The following BRD1 variants were observed in gnomAD, a reference collection of about 807,000 sequenced individuals.
BRD1 encodes the protein bromodomain-containing protein 1.
Under a neutral mutation model 107.7 loss-of-function variants are expected in BRD1, and 24 were observed. The observed-to-expected ratio is 0.22, with a 90% confidence interval of 0.16 to 0.31. The LOEUF is 0.31. Among genes scored for constraint, BRD1 ranks in the 10% least tolerant of loss-of-function variants. The pLI, the probability that BRD1 is intolerant of heterozygous loss-of-function variation, is 1.00. For synonymous variants in BRD1, 744 were observed against 686.1 expected (o/e 1.08, Z -1.32); for missense variants, 1,279 against 1,638.6 (o/e 0.78, Z 3.79).
chr22:49,801,875 G>A (rs1368935174), intron 3 of BRD1, among the ~76,000 whole-genome samples: 1 of 152,202 alleles, frequency 6.6e-6, no homozygotes, highest in Admixed American at 6.5e-5. Flanking sequence ...GGTCCCCGTG[G>A]CCCCTGCCCA....
chr22:49,787,301 C>G (rs1469000446), intron 8 of BRD1, 89 bp downstream of exon 8: 5 of 500,720 alleles, frequency 1.0e-5, no homozygotes, highest in Middle Eastern at 1.1e-3. Flanking sequence ...AGCTGGACAC[C>G]CCCCCCCCCC....
intron 8 of BRD1, among the ~76,000 whole-genome samples, chr22:49,784,810 G>A (rs61645701): frequency 0.05 from 7,635 of 152,240 alleles, 561 homozygotes; most frequent in African/African-American, 0.16. Flanking sequence ...TTCAGAGCAC[G>A]CCCAGCCCTT....
rs897700543 is a variant in BRD1 at position 49,777,877 on chromosome 22, C to T, written c.2858-64G>A. 5.9e-6 allele frequency: 9 copies of T among 1,520,874 alleles called. No homozygotes were observed. In the African/African-American group the frequency reaches 1.2e-4, roughly 21 times the overall value. The allele number at this position is 1,520,874 out of a possible 1,614,324, so 94.2% of individuals were successfully genotyped here. On this transcript the variant is annotated intron_variant, in intron 8 of 12. Transcript: ENST00000404760. ...CAGGGCACACTGAAGCATGACTCAA[C>T]GACGTTACACTTGGAACACATCTTA... is the stretch of plus-strand genomic sequence containing the variant.
At chr22:49,776,311 C>G in intron 10 of BRD1, 152 bp from the exon 11 acceptor site, 1 of 681,878 alleles carries the variant, frequency 1.5e-6, no homozygotes, top group South Asian at 1.7e-5. Flanking sequence ...CACTGCCTCC[C>G]CTGTGGGGTC....
intron 1 of BRD1, 147 bp downstream of exon 1, chr22:49,827,350 G>A (rs1362472326): frequency 8.6e-5 from 13 of 151,480 alleles, no homozygotes; most frequent in Non-Finnish European, 1.6e-4. Flanking sequence ...CCGGCCCGCA[G>A]ACAATGCGGA....
Position 49,823,914 on chromosome 22 carries a change from C to T in BRD1, c.404G>A (p.Arg135Lys). The T allele has an allele frequency of 6.2e-7, 1 of 1,614,232 alleles. No individual in the cohort carries two copies. Among genetic ancestry groups the T allele is most frequent in the Non-Finnish European group, 8.5e-7 (1 of 1,180,046 alleles). ...VEYSPPSAPR[R>K]PPVYYKFIEK... ...GATGAACTTGTAGTACACAGGAGGC[C>T]TCCTGGGGGCGGACGGAGGGCTGTA... The change falls in exon 2 of 13, where the codon AGG becomes AAG. Residue 135 changes from arginine (R) to lysine (K), a missense_variant. Physicochemically the swap from Arg to Lys is conservative, Grantham distance 26. This residue lies in a region of BRD1 where 223 missense variants were observed against 263.5 expected (regional missense o/e 0.85). Coordinates refer to ENST00000404760, the MANE Select transcript of BRD1 (RefSeq NM_001304808.3).
chr22:49,774,199 A>G lies in BRD1; in HGVS notation c.*34T>C. On this transcript the variant is annotated 3_prime_UTR_variant, in exon 13 of 13. Coordinates refer to ENST00000404760, the MANE Select transcript of BRD1 (RefSeq NM_001304808.3). ...ATACAAACATGTACAGCTTATCAAC[A>G]CTATGGACAAGACCCGCGCTGGCGG... 6.3e-7 allele frequency: 1 copy of G among 1,596,752 alleles called. No homozygotes were observed. Among genetic ancestry groups the G allele is most frequent in the Non-Finnish European group, 8.5e-7 (1 of 1,170,542 alleles).
intron 2 of BRD1, among the ~76,000 whole-genome samples, chr22:49,812,052 CA>C (rs1249849544): frequency 6.6e-6 from 1 of 150,842 alleles, no homozygotes. Context: ...ATTTGAGAGG[CA>C]GAAATAAAAG....
chr22:49,801,811 C>T (rs1188503306), intron 3 of BRD1, among the ~76,000 whole-genome samples: 1 of 152,218 alleles, frequency 6.6e-6, no homozygotes, highest in East Asian at 1.9e-4. Context: ...CTTTGCAACC[C>T]TCCCCCTTCC....
intron 6 of BRD1, among the ~76,000 whole-genome samples, chr22:49,796,375 G>C (rs532825564): frequency 1.3e-4 from 18 of 141,222 alleles, no homozygotes; most frequent in Middle Eastern, 4.6e-3. Context: ...TTTTTTTTTG[G>C]AGATAGGGTC....
chr22:49,820,238 T>C (rs1439338355), intron 2 of BRD1, among the ~76,000 whole-genome samples: 5 of 152,224 alleles, frequency 3.3e-5, no homozygotes, highest in Non-Finnish European at 5.9e-5. Context: ...TTCTGTTCTG[T>C]CCACAGGGAA....
chr22:49,821,706 G>A (rs892211418), intron 2 of BRD1, among the ~76,000 whole-genome samples: 1 of 152,068 alleles, frequency 6.6e-6, no homozygotes, highest in Admixed American at 6.6e-5. Context: ...ACCGCCCGAT[G>A]CAGCTCAGCC....
rs532132092 is a variant in BRD1, at chr22:49,803,972, C to T, written c.1524+232G>A. Among the ~76,000 whole-genome samples, 4 of 152,340 alleles carry T rather than the reference C, an allele frequency of 2.6e-5. No homozygotes were observed. Among genetic ancestry groups the T allele is most frequent in the South Asian group, 2.1e-4 (1 of 4,828 alleles). ...CAGGGCGGGGGAGCGCAACTCAAAA[C>T]GGAAGAAACACCCAGTGACAGGCAT... On this transcript the variant is annotated intron_variant, in intron 3 of 12. Coordinates refer to ENST00000404760, the MANE Select transcript of BRD1 (RefSeq NM_001304808.3). This position sits in a 1 kb window ranked among gnomAD's most constrained non-coding sequence, Gnocchi z 4.4.
Position 49,774,324 on chromosome 22 carries a change from C to G in BRD1, c.3479G>C (p.Arg1160Pro), listed in dbSNP as rs1229358877. The G allele has an allele frequency of 6.2e-7, 1 of 1,614,232 alleles. No individual in the cohort carries two copies. Among genetic ancestry groups the G allele is most frequent in the South Asian group, 1.1e-5 (1 of 91,086 alleles). ...GTCAAAAGCGATCCGCACGGCCTTC[C>G]GGATGCTGGAATTCCTCCCTTCCAT... ...KMMEGRNSSI[R>P]KAVRIAFDRA... Residue 1160 changes from arginine (R) to proline (P), a missense_variant, in exon 13 of 13, where the codon CGG (arginine) becomes CCG (proline). Physicochemically the swap from Arg to Pro is moderately radical, Grantham distance 103. Around this residue, in one of 7 missense-constraint regions of BRD1, gnomAD observed 136 missense variants for 196.8 expected, o/e 0.69. Transcript: ENST00000404760.
intron 8 of BRD1, among the ~76,000 whole-genome samples, chr22:49,782,784 G>T (rs1333218316): frequency 3.4e-5 from 4 of 119,384 alleles, no homozygotes; most frequent in Admixed American, 8.5e-5. Context: ...AGCCCATCTT[G>T]CTGGGACCTG....
intron 3 of BRD1, among the ~76,000 whole-genome samples, chr22:49,801,839 C>T (rs953006116): frequency 7.9e-5 from 12 of 152,370 alleles, no homozygotes; most frequent in South Asian, 2.1e-4. Context: ...GGCTCCACCA[C>T]GCCCCAGGCC....
intron 1 of BRD1, chr22:49,826,075 G>C (rs1390888135): frequency 1.4e-6 from 1 of 737,724 alleles, no homozygotes; most frequent in Non-Finnish European, 1.7e-6. Flanking sequence ...AGCCTGCAGA[G>C]AGCGACCCTA....
intron 2 of BRD1, among the ~76,000 whole-genome samples, chr22:49,814,881 G>C (rs1438578943): frequency 6.6e-6 from 1 of 152,238 alleles, no homozygotes; most frequent in African/African-American, 2.4e-5. Flanking sequence ...AAGAGAGACA[G>C]AAATCAGCTA....
chr22:49,792,540 C>A lies in BRD1; in HGVS notation c.2359+1494G>T, dbSNP rs2059454505. 6.6e-6 allele frequency among the ~76,000 whole-genome samples: 1 copy of A among 152,224 alleles called. No individual in the cohort carries two copies. Among genetic ancestry groups the A allele is most frequent in the Non-Finnish European group, 1.5e-5 (1 of 68,040 alleles). On this transcript the variant is annotated intron_variant, in intron 7 of 12. Transcript: ENST00000404760. This position sits in a 1 kb window ranked among gnomAD's most constrained non-coding sequence, Gnocchi z 4.2. Reference sequence around the variant, plus strand: ...GAGGCCCCCAAAGCAGAGGAGGGATCACGTGCCAACAATAACAGCCTTTGG... The same window carrying A: ...GAGGCCCCCAAAGCAGAGGAGGGATAACGTGCCAACAATAACAGCCTTTGG...
Sources: allele counts gnomAD v4.1 joint callset (sites outside exome capture counted in the v4.1 genomes callset), GRCh38; gene constraint gnomAD v4.1.1; regional missense constraint gnomAD v4.1.1; non-coding constraint Gnocchi (gnomAD v3.1); transcripts MANE v1.5; gene names NCBI Gene and HGNC (gene_info 2026-07-23, HGNC 2026-07-21).